The following TNFSF4 variants were observed in gnomAD, a reference collection of about 807,000 sequenced individuals.
TNFSF4 encodes the protein tumor necrosis factor ligand superfamily member 4.
Under a neutral mutation model 7.3 loss-of-function variants are expected in TNFSF4, and 4 were observed. The observed-to-expected ratio is 0.55, with a 90% CI of 0.27 to 1.25. TNFSF4 has a LOEUF of 1.25. Among genes scored for constraint, TNFSF4 ranks in the 50% most tolerant of loss-of-function variants. The pLI, the probability that TNFSF4 is intolerant of heterozygous loss-of-function variation, is 0.12. For missense variants in TNFSF4, 181 were observed against 208.8 expected (o/e 0.87, Z 0.82); for synonymous variants, 76 against 83.7 (o/e 0.91, Z 0.50).
chr1:173,401,035 C>T, the TNFSF4 span, among the ~76,000 whole-genome samples: 4 of 141,316 alleles, frequency 2.8e-5, no homozygotes, highest in East Asian at 4.6e-4. Flanking sequence ...TATATATATA[C>T]ATATATATTT....
chr1:173,411,877 T>C, the TNFSF4 span, among the ~76,000 whole-genome samples: 1 of 152,056 alleles, frequency 6.6e-6, no homozygotes, highest in Non-Finnish European at 1.5e-5. Context: ...CCCAGCACTT[T>C]GGGAGGACGA....
the TNFSF4 span, among the ~76,000 whole-genome samples, chr1:173,380,780 G>C: frequency 1.3e-5 from 2 of 151,966 alleles, no homozygotes; most frequent in Non-Finnish European, 2.9e-5. Flanking sequence ...CCACCCACCG[G>C]AGCTACCTTG....
chr1:173,254,820 G>A, the TNFSF4 span, among the ~76,000 whole-genome samples: 20 of 152,204 alleles, frequency 1.3e-4, no homozygotes, highest in South Asian at 2.3e-3. Context: ...AGATCAAAGA[G>A]GAACTGCCTG....
chr1:173,380,869 ACC>A, the TNFSF4 span, among the ~76,000 whole-genome samples: 1 of 152,112 alleles, frequency 6.6e-6, no homozygotes, highest in East Asian at 1.9e-4. Context: ...AGTTCTGTCT[ACC>A]CAGCTAAGGT....
At chr1:173,305,264 T>C in the TNFSF4 span, among the ~76,000 whole-genome samples, 1 of 151,982 alleles carries the variant, frequency 6.6e-6, no homozygotes, top group Non-Finnish European at 1.5e-5. Flanking sequence ...CCATAAATTA[T>C]AAGAACACTC....
the TNFSF4 span, among the ~76,000 whole-genome samples, chr1:173,390,631 T>C: frequency 6.6e-6 from 1 of 152,122 alleles, no homozygotes; most frequent in Non-Finnish European, 1.5e-5. Context: ...AATTATTTCC[T>C]CTTCTCAAAC....
chr1:173,257,147 C>T, the TNFSF4 span, among the ~76,000 whole-genome samples: 2 of 152,216 alleles, frequency 1.3e-5, no homozygotes, highest in African/African-American at 4.8e-5. Context: ...GAAACTCTTT[C>T]GTATCTCCAA....
At chr1:173,331,819 T>G in the TNFSF4 span, among the ~76,000 whole-genome samples, 1 of 152,168 alleles carries the variant, frequency 6.6e-6, no homozygotes, top group Non-Finnish European at 1.5e-5. Context: ...CTATAATGCC[T>G]CTCAGACATG....
At chr1:173,419,927 C>T in the TNFSF4 span, among the ~76,000 whole-genome samples, 32 of 152,006 alleles carry the variant, frequency 2.1e-4, no homozygotes, top group Non-Finnish European at 4.4e-4. Context: ...TGAGAGGCTG[C>T]GGTCCAAATG....
the TNFSF4 span, among the ~76,000 whole-genome samples, chr1:173,332,294 G>A: frequency 6.6e-6 from 1 of 152,158 alleles, no homozygotes; most frequent in Non-Finnish European, 1.5e-5. Flanking sequence ...TGCTGCACAA[G>A]GGCTGAGGGG....
At chr1:173,337,487 T>C in the TNFSF4 span, among the ~76,000 whole-genome samples, 6 of 152,216 alleles carry the variant, frequency 3.9e-5, no homozygotes, top group Non-Finnish European at 7.3e-5. Flanking sequence ...TTCTAGTCTG[T>C]ACCTATGGCT....
At chr1:173,253,163 C>G in the TNFSF4 span, among the ~76,000 whole-genome samples, 139 of 152,322 alleles carry the variant, frequency 9.1e-4, no homozygotes, top group Non-Finnish European at 1.8e-3. Flanking sequence ...GGCAACTCTT[C>G]TGCAGTTTTC....
At chr1:173,327,273 TC>T in the TNFSF4 span, among the ~76,000 whole-genome samples, 1 of 152,206 alleles carries the variant, frequency 6.6e-6, no homozygotes, top group African/African-American at 2.4e-5. Context: ...GGGAAAGGAT[TC>T]CCTATTTAAT....
chr1:173,351,838 A>G, the TNFSF4 span: 1 of 607,884 alleles, frequency 1.6e-6, no homozygotes, highest in East Asian at 3.3e-5. Flanking sequence ...CAGCAGGAAA[A>G]GGCCAATGGC....
At chr1:173,365,472 T>C in the TNFSF4 span, among the ~76,000 whole-genome samples, 1 of 152,226 alleles carries the variant, frequency 6.6e-6, no homozygotes, top group East Asian at 1.9e-4. Context: ...GGAAATTCTA[T>C]CAAGTGTCTT....
At chr1:173,365,087 A>AG in the TNFSF4 span, among the ~76,000 whole-genome samples, 12 of 147,490 alleles carry the variant, frequency 8.1e-5, no homozygotes, top group Non-Finnish European at 1.5e-4. Flanking sequence ...ACCCTGTCAC[A>AG]GGGAAAAAAA....
chr1:173,241,989 T>C, the TNFSF4 span, among the ~76,000 whole-genome samples: 1 of 152,208 alleles, frequency 6.6e-6, no homozygotes, highest in Non-Finnish European at 1.5e-5. Context: ...TTTGGGGGCC[T>C]GCAAGTCTCG....
chr1:173,370,745 C>T, the TNFSF4 span, among the ~76,000 whole-genome samples: 5 of 152,120 alleles, frequency 3.3e-5, no homozygotes, highest in East Asian at 9.7e-4. Flanking sequence ...TAATAGGGAC[C>T]AAGAGGAACA....
chr1:173,389,211 C>A, the TNFSF4 span, among the ~76,000 whole-genome samples: 1 of 152,132 alleles, frequency 6.6e-6, no homozygotes, highest in Non-Finnish European at 1.5e-5. Flanking sequence ...TTCCAGATAT[C>A]ACTGAGGCAT....
Sources: allele counts gnomAD v4.1 joint callset (sites outside exome capture counted in the v4.1 genomes callset), GRCh38; gene constraint gnomAD v4.1.1; transcripts MANE v1.5; gene names NCBI Gene and HGNC (gene_info 2026-07-23, HGNC 2026-07-21).